The following ATF6 variants were observed in gnomAD, a reference collection of about 807,000 sequenced individuals.
ATF6 encodes cyclic AMP-dependent transcription factor ATF-6 alpha.
A neutral mutation model predicts 83.6 loss-of-function variants in ATF6; 53 were observed. The ratio of observed to expected loss-of-function variants is 0.63; its 90% CI spans 0.51 to 0.80. The LOEUF (loss-of-function observed/expected upper bound fraction) is 0.80, where lower values mean the gene tolerates loss of function less well. Among genes scored for constraint, ATF6 ranks in the 30% least tolerant of loss-of-function variants. The probability of loss-of-function intolerance (pLI) is 0.00; values close to 1 mark genes in which losing one functional copy is unlikely to be tolerated. For missense variants in ATF6, 744 were observed against 797.9 expected (o/e 0.93, Z 0.81); for synonymous variants, 288 against 285.8 (o/e 1.01, Z -0.08).
chr1:161,841,399 G>A (rs1424392142), intron 9 of ATF6, among the ~76,000 whole-genome samples: 1 of 152,096 alleles, frequency 6.6e-6, no homozygotes, highest in Non-Finnish European at 1.5e-5. Context: ...CAATCAACTT[G>A]TCTGTAATTT....
chr1:161,882,624 T>A (rs968043234), intron 14 of ATF6, among the ~76,000 whole-genome samples: 49 of 151,728 alleles, frequency 3.2e-4, no homozygotes, highest in African/African-American at 1.1e-3. Flanking sequence ...TATTCAGAAA[T>A]AAGAAAAATA....
intron 15 of ATF6, among the ~76,000 whole-genome samples, chr1:161,948,623 A>G (rs556617114): frequency 6.6e-6 from 1 of 152,336 alleles, no homozygotes; most frequent in East Asian, 1.9e-4. Context: ...TCAACAGGTG[A>G]TTAGATTCCA....
chr1:161,944,773 T>C (rs1688718548), intron 15 of ATF6, among the ~76,000 whole-genome samples: 1 of 152,186 alleles, frequency 6.6e-6, no homozygotes, highest in Non-Finnish European at 1.5e-5. Context: ...GCCAGGGAAC[T>C]AAATATGCAA....
chr1:161,896,130 A>G (rs1216467415), intron 14 of ATF6, among the ~76,000 whole-genome samples: 6 of 152,156 alleles, frequency 3.9e-5, no homozygotes, highest in Admixed American at 2.6e-4. Context: ...AGATAGATGT[A>G]TTTGTCTCAT....
chr1:161,779,744 AT>A (rs938880754), intron 2 of ATF6, among the ~76,000 whole-genome samples: 17 of 148,410 alleles, frequency 1.1e-4, no homozygotes, highest in Non-Finnish European at 1.5e-4. Flanking sequence ...AGGCTGCTTA[AT>A]TTTTTTTTTT....
chr1:161,877,930 G>T (rs1687248933), intron 14 of ATF6, among the ~76,000 whole-genome samples: 1 of 152,048 alleles, frequency 6.6e-6, no homozygotes, highest in Non-Finnish European at 1.5e-5. Flanking sequence ...TTACTAAGAT[G>T]AAAATATTTG....
intron 7 of ATF6, among the ~76,000 whole-genome samples, chr1:161,804,683 T>A (rs1341623404): frequency 1.3e-5 from 2 of 152,034 alleles, no homozygotes; most frequent in Non-Finnish European, 2.9e-5. Context: ...CCTGCCTTTT[T>A]TTTTTTCTAC....
chr1:161,861,761 T>C (rs781648893), intron 13 of ATF6, among the ~76,000 whole-genome samples: 2 of 152,220 alleles, frequency 1.3e-5, no homozygotes, highest in African/African-American at 2.4e-5. Flanking sequence ...GTTCTGCCTT[T>C]TAGTCTCAGC....
intron 15 of ATF6, among the ~76,000 whole-genome samples, chr1:161,926,068 T>C (rs1005277489): frequency 6.6e-6 from 1 of 152,136 alleles, no homozygotes; most frequent in Non-Finnish European, 1.5e-5. Flanking sequence ...GGGGAACTAT[T>C]AAAATATTTT....
At position 161,791,535 on chromosome 1, in the gene ATF6, C is replaced by T; in HGVS notation, c.482C>T (p.Thr161Ile). 1 of 1,605,088 alleles carries T rather than the reference C, an allele frequency of 6.2e-7. No homozygotes were observed. Among genetic ancestry groups the T allele is most frequent in the African/African-American group, 1.3e-5 (1 of 74,690 alleles). The change falls in exon 5 of 16, where the codon ACT becomes ATT. Residue 161 changes from threonine (T) to isoleucine (I), a missense_variant and splice_region_variant. Transcript: ENST00000367942. Reference sequence around the variant, plus strand: ...CCTGTCACTGGTCCTAGGAACAAGACTGGTATTACTCTATCTCCTAACTTC... The same window carrying T: ...CCTGTCACTGGTCCTAGGAACAAGATTGGTATTACTCTATCTCCTAACTTC... ...DKPVTGPRNK[T>I]ENGLTPKKKI...
In ATF6 at chr1:161,829,972, A is replaced by G. The variant is rs1475582474; in HGVS notation, c.1187+8811A>G. Among the ~76,000 whole-genome samples the G allele has an allele frequency of 5.3e-5, 8 of 152,246 alleles. No individual in the cohort carries two copies. The South Asian group carries it at 1.3e-3, about 24-fold the overall frequency. On this transcript the variant is annotated intron_variant, in intron 9 of 15. Coordinates refer to ENST00000367942, the MANE Select transcript of ATF6 (RefSeq NM_007348.4). ...TGGCCAGGGCAATCAGGCAGGAGAAAGAAATAAAGGGTATTCAATTAGGAA... is the reference window on the plus strand; with the variant it reads ...TGGCCAGGGCAATCAGGCAGGAGAAGGAAATAAAGGGTATTCAATTAGGAA...
chr1:161,852,873 C>T (rs1686665294), intron 11 of ATF6, among the ~76,000 whole-genome samples: 1 of 150,232 alleles, frequency 6.7e-6, no homozygotes, highest in Non-Finnish European at 1.5e-5. Flanking sequence ...CCACCCCAGC[C>T]TCCCAAAGTG....
chr1:161,844,034 G>C (rs1257671452), intron 9 of ATF6, among the ~76,000 whole-genome samples: 2 of 152,276 alleles, frequency 1.3e-5, no homozygotes, highest in East Asian at 3.9e-4. Context: ...AAAGGACTTA[G>C]GGTTTTAATT....
Position 161,961,476 on chromosome 1 carries a change from A to G in ATF6, c.*2822A>G, listed in dbSNP as rs898549381. ...TAGTCACTTTTTAAATTGCTGGCAA[A>G]GCTATAATTAATCCCTAGGCACAAT... On this transcript the variant is annotated 3_prime_UTR_variant, in exon 16 of 16. Coordinates refer to ENST00000367942, the MANE Select transcript of ATF6 (RefSeq NM_007348.4). 1.3e-5 allele frequency: 2 copies of G among 152,216 alleles called. No homozygotes were observed. The highest frequency in any genetic ancestry group is 2.4e-5 in the African/African-American group (1 of 41,450). 9.4% of individuals were successfully genotyped at this position (152,216 alleles called of 1,614,324 possible).
chr1:161,910,934 C>T (rs1687980411), intron 14 of ATF6, among the ~76,000 whole-genome samples: 1 of 152,170 alleles, frequency 6.6e-6, no homozygotes, highest in Admixed American at 6.5e-5. Context: ...GAAATGTTGC[C>T]TTGAATTACA....
intron 9 of ATF6, among the ~76,000 whole-genome samples, chr1:161,825,322 G>A (rs894236981): frequency 6.6e-6 from 1 of 152,186 alleles, no homozygotes; most frequent in Non-Finnish European, 1.5e-5. Flanking sequence ...GATTACAGGT[G>A]TGAGCCATTA....
At chr1:161,767,845 G>T (rs1441924072) in intron 1 of ATF6, among the ~76,000 whole-genome samples, 1 of 152,084 alleles carries the variant, frequency 6.6e-6, no homozygotes, top group Non-Finnish European at 1.5e-5. Context: ...ATATTTTCAT[G>T]ACATTTCTTT....
chr1:161,794,220 A>G (rs1026089621), intron 6 of ATF6, among the ~76,000 whole-genome samples: 20 of 152,056 alleles, frequency 1.3e-4, no homozygotes, highest in African/African-American at 4.6e-4. Context: ...CTGTTTTTAT[A>G]GTACAATCTA....
chr1:161,931,991 A>G (rs182209384), intron 15 of ATF6, among the ~76,000 whole-genome samples: 30 of 152,322 alleles, frequency 2.0e-4, no homozygotes, highest in Admixed American at 1.8e-3. Context: ...CTCTAATTTA[A>G]GTCTATAATA....
Sources: allele counts gnomAD v4.1 joint callset (sites outside exome capture counted in the v4.1 genomes callset), GRCh38; gene constraint gnomAD v4.1.1; transcripts MANE v1.5; gene names NCBI Gene and HGNC (gene_info 2026-07-23, HGNC 2026-07-21).